The following CAMSAP2 variants were observed in gnomAD, a reference collection of about 807,000 sequenced individuals.
CAMSAP2 encodes the protein calmodulin-regulated spectrin-associated protein 2.
A neutral mutation model predicts 146.1 loss-of-function variants in CAMSAP2; 26 were observed. That is an observed-to-expected ratio of 0.18 (90% confidence interval 0.13 to 0.25). The LOEUF (loss-of-function observed/expected upper bound fraction) is 0.25, where lower values mean the gene tolerates loss of function less well. CAMSAP2 is among the 10% of genes least tolerant of loss of function. The pLI is 1.00. For synonymous variants in CAMSAP2, 499 were observed against 596.6 expected (o/e 0.84, Z 2.38); for missense variants, 1,381 against 1,759.3 (o/e 0.78, Z 3.85).
intron 1 of CAMSAP2, among the ~76,000 whole-genome samples, chr1:200,743,488 G>A (rs1053418723): frequency 2.0e-5 from 3 of 152,016 alleles, no homozygotes; most frequent in African/African-American, 4.8e-5. Context: ...AGAGAGACCC[G>A]TAGCAGAGGG....
In CAMSAP2 at chr1:200,761,240, C is replaced by T. The variant is rs188871393; in HGVS notation, c.399+142C>T. On this transcript the variant is annotated intron_variant, in intron 2 of 16. Transcript: ENST00000358823. Reference sequence around the variant, plus strand: ...GTTTACAACTCATCTTTTTCTTAACCTTGTTTCCAAATGAAGGAAGATTTT... The same window carrying T: ...GTTTACAACTCATCTTTTTCTTAACTTTGTTTCCAAATGAAGGAAGATTTT... 937 of 803,318 alleles carry T rather than the reference C, an allele frequency of 1.2e-3. 11 individuals carry two copies. Among genetic ancestry groups the T allele is most frequent in the Non-Finnish European group, 2.2e-4 (112 of 516,616 alleles). 49.8% of individuals were successfully genotyped at this position (803,318 alleles called of 1,614,324 possible). A position where few individuals can be genotyped will look rare whatever the true frequency, so the allele number is the denominator to read the frequency against.
intron 4 of CAMSAP2, among the ~76,000 whole-genome samples, chr1:200,816,806 GTATATA>G (rs746966343): frequency 5.9e-4 from 43 of 72,888 alleles, no homozygotes; most frequent in Non-Finnish European, 8.5e-4. Context: ...ACACACGCGT[GTATATA>G]TGTGTGTACA....
chr1:200,795,880 GTATCATTGTGC>G (rs567540428), intron 2 of CAMSAP2, among the ~76,000 whole-genome samples: 101 of 152,302 alleles, frequency 6.6e-4, no homozygotes, highest in African/African-American at 2.3e-3. Context: ...AGTTAAATCA[GTATCATTGTGC>G]TGATAGTCGC....
Position 200,753,316 on chromosome 1 carries a change from A to T in CAMSAP2, c.140-7523A>T, listed in dbSNP as rs557332943. On this transcript the variant is annotated intron_variant, in intron 1 of 16. Transcript: ENST00000358823. Reference sequence around the variant, plus strand: ...TCCATCTCAAAAAAAAAAAAAAAAAAAGATAGAGCACCCTTAGCTGTGTGC... The same window carrying T: ...TCCATCTCAAAAAAAAAAAAAAAAATAGATAGAGCACCCTTAGCTGTGTGC... 7.3e-3 allele frequency among the ~76,000 whole-genome samples: 1,111 copies of T among 151,622 alleles called. 12 individuals are homozygous for T. Among genetic ancestry groups the T allele is most frequent in the Middle Eastern group, 0.044 (13 of 294 alleles).
intron 7 of CAMSAP2, 63 bp downstream of exon 7, chr1:200,842,150 C>T: frequency 2.5e-6 from 3 of 1,185,230 alleles, no homozygotes; most frequent in South Asian, 1.3e-5. Flanking sequence ...GTTGATATAA[C>T]CTTACCTGGT....
chr1:200,833,015 C>T (rs1307100967), intron 6 of CAMSAP2, among the ~76,000 whole-genome samples, 170 bp downstream of exon 6: 3 of 151,612 alleles, frequency 2.0e-5, no homozygotes, highest in African/African-American at 7.3e-5. Flanking sequence ...GAGCGATGAT[C>T]GTGCCACTGC....
chr1:200,817,132 A>ATG (rs750584102), intron 4 of CAMSAP2, among the ~76,000 whole-genome samples: 11 of 140,492 alleles, frequency 7.8e-5, no homozygotes, highest in African/African-American at 2.6e-4. Flanking sequence ...ACACGTATAT[A>ATG]TGTGTATATA....
In CAMSAP2 at chr1:200,788,634, T is replaced by C. The variant is rs530066168; in HGVS notation, c.400-18742T>C. ...ATAATATATGACTTAGAACATCTTT[T>C]CTTTTTTTCTTTTTTTTTTTTTTTG... On this transcript the variant is annotated intron_variant, in intron 2 of 16. Transcript: ENST00000358823. Among the ~76,000 whole-genome samples the C allele has an allele frequency of 1.7e-4, 21 of 120,620 alleles. No individual in the cohort carries two copies. The South Asian group carries it at 5.4e-3, about 31-fold the overall frequency. The allele number at this position is 120,620 out of a possible 152,430, so 79.1% of individuals were successfully genotyped here. A position where few individuals can be genotyped will look rare whatever the true frequency, so the allele number is the denominator to read the frequency against.
chr1:200,774,774 C>A (rs142620385), intron 2 of CAMSAP2, among the ~76,000 whole-genome samples: 1 of 152,148 alleles, frequency 6.6e-6, no homozygotes, highest in Non-Finnish European at 1.5e-5. Flanking sequence ...GTATATAATT[C>A]ACAAAATAAA....
At chr1:200,753,283 G>A (rs908866489) in intron 1 of CAMSAP2, among the ~76,000 whole-genome samples, 5 of 140,826 alleles carry the variant, frequency 3.6e-5, no homozygotes, top group African/African-American at 1.4e-4. Context: ...GGGCAACAGA[G>A]GCAAAACTCC....
intron 2 of CAMSAP2, among the ~76,000 whole-genome samples, chr1:200,765,518 C>T (rs145672202): frequency 0.01 from 1,563 of 152,112 alleles, 22 homozygotes; most frequent in African/African-American, 0.03. Context: ...TGTGAGCCAC[C>T]GCACCCGGCC....
intron 6 of CAMSAP2, among the ~76,000 whole-genome samples, chr1:200,839,013 T>A (rs1667251217): frequency 6.6e-6 from 1 of 152,090 alleles, no homozygotes. Flanking sequence ...GTAGGGAAGG[T>A]CACTATTTCA....
intron 4 of CAMSAP2, among the ~76,000 whole-genome samples, chr1:200,823,591 C>T (rs766297512): frequency 3.3e-5 from 5 of 152,226 alleles, no homozygotes; most frequent in East Asian, 1.9e-4. Context: ...GAGAAGACTA[C>T]CAGAGAGGTC....
At chr1:200,811,841 T>C (rs937204106) in intron 3 of CAMSAP2, among the ~76,000 whole-genome samples, 1 of 152,194 alleles carries the variant, frequency 6.6e-6, no homozygotes, top group African/African-American at 2.4e-5. Context: ...TGTACTCCAT[T>C]GTAGGCTCAT....
intron 7 of CAMSAP2, among the ~76,000 whole-genome samples, chr1:200,844,445 G>A (rs1180922487): frequency 1.3e-5 from 2 of 151,964 alleles, no homozygotes; most frequent in Admixed American, 6.6e-5. Flanking sequence ...CTGCTTGGGA[G>A]GCTGAGGCAG....
intron 2 of CAMSAP2, among the ~76,000 whole-genome samples, chr1:200,788,376 C>G (rs558381296): frequency 6.6e-6 from 1 of 152,278 alleles, no homozygotes; most frequent in Admixed American, 6.5e-5. Flanking sequence ...CATAAGTTTT[C>G]AGCTCCTATA....
chr1:200,814,423 A>C (rs1666421241), intron 3 of CAMSAP2, among the ~76,000 whole-genome samples: 1 of 151,856 alleles, frequency 6.6e-6, no homozygotes, highest in African/African-American at 2.4e-5. Flanking sequence ...CCTGGTCAAC[A>C]TTGTGAAACC....
intron 3 of CAMSAP2, among the ~76,000 whole-genome samples, chr1:200,808,778 A>C (rs1444976858): frequency 1.3e-5 from 2 of 152,212 alleles, no homozygotes; most frequent in Non-Finnish European, 2.9e-5. Context: ...GTTGAACCTC[A>C]TTATGACTTA....
At chr1:200,749,664 A>G (rs1340429818) in intron 1 of CAMSAP2, among the ~76,000 whole-genome samples, 1 of 152,190 alleles carries the variant, frequency 6.6e-6, no homozygotes, top group Non-Finnish European at 1.5e-5. Context: ...CTCCTTATCT[A>G]TACTTAAAAT....
Sources: gnomAD v4.1 joint callset for allele counts (sites outside exome capture counted in the v4.1 genomes callset) on GRCh38, gnomAD v4.1.1 for gene constraint, MANE v1.5 for transcripts, NCBI Gene and HGNC (gene_info 2026-07-23, HGNC 2026-07-21) for gene names.